Variants in COL25A1 observed in about 807,000 individuals in gnomAD.
COL25A1 encodes the protein collagen type XXV alpha 1 chain.
Under a neutral mutation model 128.4 loss-of-function variants are expected in COL25A1, and 103 were observed. The observed-to-expected ratio is 0.80, with a 90% CI of 0.68 to 0.94. The LOEUF is 0.94. Among genes scored for constraint, COL25A1 ranks in the 40% least tolerant of loss-of-function variants. The probability of loss-of-function intolerance (pLI) is 0.00; values close to 1 mark genes in which losing one functional copy is unlikely to be tolerated. For missense variants in COL25A1, 745 were observed against 840.0 expected (o/e 0.89, Z 1.40); for synonymous variants, 279 against 277.2 (o/e 1.01, Z -0.06).
chr4:108,852,963 A>G, intron 24 of COL25A1, 38 bp from the exon 25 acceptor site: 1 of 1,582,944 alleles, frequency 6.3e-7, no homozygotes, highest in Non-Finnish European at 8.7e-7. Context: ...AGAGTTATCT[A>G]TTTTGTGTGC....
chr4:109,146,489 G>A (rs1770956293), intron 3 of COL25A1, among the ~76,000 whole-genome samples: 1 of 152,144 alleles, frequency 6.6e-6, no homozygotes, highest in African/African-American at 2.4e-5. Context: ...TCTGCTTAAG[G>A]GCAAGTCCCA....
intron 20 of COL25A1, among the ~76,000 whole-genome samples, chr4:108,867,185 T>G (rs140755687): frequency 3.9e-4 from 59 of 152,344 alleles, no homozygotes; most frequent in Non-Finnish European, 7.2e-4. Flanking sequence ...TTGTGTTTTT[T>G]CTATTTTCCC....
At chr4:109,205,698 C>G (rs189886845) in intron 3 of COL25A1, among the ~76,000 whole-genome samples, 1 of 152,016 alleles carries the variant, frequency 6.6e-6, no homozygotes, top group Non-Finnish European at 1.5e-5. Context: ...TTAGACTATC[C>G]GTTACCTCAG....
intron 3 of COL25A1, among the ~76,000 whole-genome samples, chr4:109,135,339 A>G (rs1038943626): frequency 6.6e-6 from 1 of 152,192 alleles, no homozygotes; most frequent in Non-Finnish European, 1.5e-5. Context: ...GCCTTGTGTC[A>G]TTACTCACCA....
chr4:108,889,365 C>A, intron 17 of COL25A1, 109 bp from the exon 18 acceptor site: 1 of 976,338 alleles, frequency 1.0e-6, no homozygotes, highest in Non-Finnish European at 1.6e-6. Context: ...TCTTCAACCA[C>A]ATGTCTTTTA....
rs114451575 is a variant in COL25A1 at position 108,830,912 on chromosome 4, A to T, written c.1710+1468T>A. ...CAGCGTTGAGGCTTTTAGCTTTTAA[A>T]TATTTTTAATTAAGATGATCTTCAG... On this transcript the variant is annotated intron_variant, in intron 32 of 37. Transcript: ENST00000399132. Among the ~76,000 whole-genome samples the T allele has an allele frequency of 4.9e-3, 752 of 152,394 alleles. 6 individuals carry two copies. The highest frequency in any genetic ancestry group is 0.017 in the African/African-American group (706 of 41,598).
intron 8 of COL25A1, among the ~76,000 whole-genome samples, chr4:108,972,263 T>C (rs974892783): frequency 6.6e-6 from 1 of 152,138 alleles, no homozygotes; most frequent in African/African-American, 2.4e-5. Context: ...GGTATTGGAA[T>C]ACAAACTCTA....
intron 8 of COL25A1, among the ~76,000 whole-genome samples, chr4:108,953,339 T>C (rs1749680375): frequency 6.6e-6 from 1 of 152,164 alleles, no homozygotes; most frequent in African/African-American, 2.4e-5. Context: ...TCAGGGTTTG[T>C]TCAATTACAC....
chr4:108,919,000 C>T (rs2125897265), intron 12 of COL25A1, among the ~76,000 whole-genome samples: 1 of 152,332 alleles, frequency 6.6e-6, no homozygotes, highest in South Asian at 2.1e-4. Context: ...ACAGTGATGT[C>T]ATTTCCCTCC....
intron 19 of COL25A1, among the ~76,000 whole-genome samples, chr4:108,882,877 G>T (rs1020618878): frequency 5.9e-5 from 9 of 152,114 alleles, no homozygotes; most frequent in African/African-American, 2.2e-4. Flanking sequence ...TCTATCAATT[G>T]TACCAAATAT....
At chr4:109,108,876 G>A (rs1210787048) in intron 3 of COL25A1, among the ~76,000 whole-genome samples, 1 of 151,934 alleles carries the variant, frequency 6.6e-6, no homozygotes, top group Non-Finnish European at 1.5e-5. Context: ...GCATGCACTT[G>A]GAAACCAAAA....
At chr4:108,945,544 TG>T (rs1428801377) in intron 8 of COL25A1, among the ~76,000 whole-genome samples, 1 of 147,944 alleles carries the variant, frequency 6.8e-6, no homozygotes, top group African/African-American at 2.5e-5. Flanking sequence ...TACTTGGTTT[TG>T]CATCTTAGAA....
At chr4:108,892,909 T>G (rs1171265033) in intron 16 of COL25A1, among the ~76,000 whole-genome samples, 1 of 152,130 alleles carries the variant, frequency 6.6e-6, no homozygotes, top group Non-Finnish European at 1.5e-5. Context: ...GAAGTGGTGA[T>G]GAGGAGTCAG....
At chr4:109,245,250 C>G (rs1309304952) in intron 3 of COL25A1, among the ~76,000 whole-genome samples, 2 of 152,064 alleles carry the variant, frequency 1.3e-5, no homozygotes, top group Non-Finnish European at 1.5e-5. Flanking sequence ...CCAATATGGT[C>G]CAGTTTGTTA....
chr4:109,100,079 G>C (rs539295140), intron 3 of COL25A1, among the ~76,000 whole-genome samples: 1 of 152,092 alleles, frequency 6.6e-6, no homozygotes, highest in East Asian at 1.9e-4. Context: ...CAAGAAATCG[G>C]GCACATCCAT....
intron 3 of COL25A1, among the ~76,000 whole-genome samples, chr4:109,219,601 AC>A (rs1228268316): frequency 6.6e-6 from 1 of 151,898 alleles, no homozygotes; most frequent in Non-Finnish European, 1.5e-5. Flanking sequence ...TTTTGTTTTA[AC>A]CTCTCCTATA....
intron 18 of COL25A1, among the ~76,000 whole-genome samples, chr4:108,888,612 T>C (rs753955570): frequency 7.4e-4 from 112 of 152,156 alleles, no homozygotes; most frequent in Non-Finnish European, 1.2e-3. Flanking sequence ...GACATACAAA[T>C]AAAAAAACAA....
At chr4:109,088,937 AAATC>A (rs1420086465) in intron 3 of COL25A1, among the ~76,000 whole-genome samples, 2 of 152,342 alleles carry the variant, frequency 1.3e-5, no homozygotes, top group East Asian at 3.9e-4. Flanking sequence ...CTTCTCTTAG[AAATC>A]AACCACGTAC....
chr4:108,834,207 C>T (rs1733503011), intron 31 of COL25A1: 3 of 768,380 alleles, frequency 3.9e-6, no homozygotes, highest in South Asian at 1.9e-5. Flanking sequence ...CCCCCTTTTG[C>T]CGCCATCTTT....
Sources: allele counts gnomAD v4.1 joint callset (sites outside exome capture counted in the v4.1 genomes callset), GRCh38; gene constraint gnomAD v4.1.1; transcripts MANE v1.5; gene names NCBI Gene and HGNC (gene_info 2026-07-23, HGNC 2026-07-21).